Variants in DYRK4 observed in about 807,000 individuals in gnomAD.
DYRK4 encodes the protein dual specificity tyrosine phosphorylation regulated kinase 4.
Under a neutral mutation model 68.3 loss-of-function variants are expected in DYRK4, and 64 were observed. That is an observed-to-expected ratio of 0.94 (90% CI 0.77 to 1.15). The LOEUF (loss-of-function observed/expected upper bound fraction) is 1.15. Among genes scored for constraint, DYRK4 ranks in the 50% most tolerant of loss-of-function variants. DYRK4 has a pLI of 0.00. For missense variants in DYRK4, 740 were observed against 764.7 expected (o/e 0.97, Z 0.38); for synonymous variants, 274 against 289.9 (o/e 0.95, Z 0.56).
intron 2 of DYRK4, among the ~76,000 whole-genome samples, chr12:4,584,094 C>G (rs1388386052): frequency 6.6e-6 from 1 of 152,038 alleles, no homozygotes; most frequent in Non-Finnish European, 1.5e-5. Flanking sequence ...ATCAATGACA[C>G]AAAGAAAAAC....
chr12:4,576,905 A>G (rs564910437), intron 2 of DYRK4, among the ~76,000 whole-genome samples: 1 of 152,238 alleles, frequency 6.6e-6, no homozygotes, highest in South Asian at 2.1e-4. Flanking sequence ...CTTAGACACA[A>G]TCCCTTCTCA....
At chr12:4,582,426 G>A (rs1181932406) in intron 2 of DYRK4, among the ~76,000 whole-genome samples, 1 of 152,196 alleles carries the variant, frequency 6.6e-6, no homozygotes, top group South Asian at 2.1e-4. Context: ...CAATAAGAGC[G>A]AAACTCCATC....
At chr12:4,592,202 A>G (rs1476701704) in intron 5 of DYRK4, among the ~76,000 whole-genome samples, 1 of 152,192 alleles carries the variant, frequency 6.6e-6, no homozygotes, top group Non-Finnish European at 1.5e-5. Flanking sequence ...CCCCCCTGCT[A>G]TCTTATGCCT....
At position 4,599,531 on chromosome 12, in the gene DYRK4, A is replaced by G; in HGVS notation, c.1045-176A>G. 3 of 589,318 alleles carry G rather than the reference A, an allele frequency of 5.1e-6. No individual in the cohort carries two copies. The South Asian group carries it at 6.4e-5, about 13-fold the overall frequency. 36.5% of individuals were successfully genotyped at this position (589,318 alleles called of 1,614,324 possible). The stretch of plus-strand genomic sequence containing the variant: ...GAGGTCTGAATGAGAAACGCCGACC[A>G]CAAGTCAAATGGAAAGTCAGAGCGG... On this transcript the variant is annotated intron_variant, in intron 9 of 14. Transcript: ENST00000543431.
intron 13 of DYRK4, among the ~76,000 whole-genome samples, chr12:4,610,815 A>G (rs1445471572): frequency 7.9e-5 from 12 of 152,256 alleles, no homozygotes. Flanking sequence ...ACAACTTTTT[A>G]TAATCTATAT....
In DYRK4 at chr12:4,605,047, CG is replaced by C; in HGVS notation, c.1264del (p.Glu422ArgfsTer41). 1 of 1,613,974 alleles carries C rather than the reference CG, an allele frequency of 6.2e-7. No homozygotes were observed. The highest frequency in any genetic ancestry group is 8.5e-7 in the Non-Finnish European group (1 of 1,179,926). On this transcript the variant is annotated frameshift_variant, in exon 11 of 15. Coordinates refer to ENST00000543431, the MANE Select transcript of DYRK4 (RefSeq NM_001394779.1). LOFTEE classifies it high-confidence loss of function. Reference protein sequence around the residue: ...ELYTGYPLFPGENEVEQLACI... With the variant: ...ELYTGYPLFPXENEVEQLACI... ...TGTACACGGGCTACCCCCTGTTCCC[CG>C]GGGAGAATGAGGTGGAGCAGCTGGC...
At chr12:4,590,209 TCCAGA>T in intron 3 of DYRK4, 116 bp from the exon 4 acceptor site, 2 of 1,424,870 alleles carry the variant, frequency 1.4e-6, no homozygotes, top group Non-Finnish European at 1.8e-6. Flanking sequence ...TAGGTTTAGG[TCCAGA>T]TTGGGGTTAG....
At chr12:4,574,806 C>G (rs1036639924) in intron 2 of DYRK4, among the ~76,000 whole-genome samples, 32 of 152,320 alleles carry the variant, frequency 2.1e-4, no homozygotes, top group African/African-American at 7.7e-4. Flanking sequence ...CAGCCTCCGC[C>G]TCCCCAGTTC....
intron 2 of DYRK4, among the ~76,000 whole-genome samples, chr12:4,582,468 G>GAAATA (rs1944853279): frequency 1.3e-5 from 2 of 152,002 alleles, no homozygotes; most frequent in South Asian, 2.1e-4. Context: ...GAGATGAAAT[G>GAAATA]AAATAAAATA....
intron 10 of DYRK4, 136 bp downstream of exon 10, chr12:4,599,924 T>C (rs1004629335): frequency 1.5e-6 from 1 of 685,632 alleles, no homozygotes; most frequent in African/African-American, 1.8e-5. Flanking sequence ...GTGCTTCGCT[T>C]CTCTGAGCCC....
chr12:4,580,497 C>T (rs1565534478), intron 2 of DYRK4, among the ~76,000 whole-genome samples: 1 of 152,184 alleles, frequency 6.6e-6, no homozygotes, highest in Non-Finnish European at 1.5e-5. Context: ...TCTGTAGCAG[C>T]CAGGGTAGCT....
At chr12:4,590,021 G>C (rs1944935462) in intron 3 of DYRK4, 1 of 482,116 alleles carries the variant, frequency 2.1e-6, no homozygotes, top group African/African-American at 2.1e-5. Flanking sequence ...TTATGAGGTA[G>C]GCCCCATTTT....
At chr12:4,587,306 A>C (rs1944907521) in intron 2 of DYRK4, among the ~76,000 whole-genome samples, 1 of 152,130 alleles carries the variant, frequency 6.6e-6, no homozygotes, top group Non-Finnish European at 1.5e-5. Flanking sequence ...TCTCGGTTAA[A>C]GCCCAGACCA....
intron 10 of DYRK4, chr12:4,602,935 T>G: frequency 1.2e-6 from 1 of 843,366 alleles, no homozygotes; most frequent in Admixed American, 2.2e-5. Context: ...GTGGAGGAAC[T>G]TCCAGATCAA....
At chr12:4,601,583 AC>A (rs1046346854) in intron 10 of DYRK4, among the ~76,000 whole-genome samples, 2 of 152,210 alleles carry the variant, frequency 1.3e-5, no homozygotes, top group African/African-American at 4.8e-5. Flanking sequence ...GAATAATGAA[AC>A]TTTTGACATG....
At chr12:4,563,510 A>C (rs997100972) in intron 1 of DYRK4, among the ~76,000 whole-genome samples, 1 of 152,222 alleles carries the variant, frequency 6.6e-6, no homozygotes, top group Non-Finnish European at 1.5e-5. Flanking sequence ...TGGAGGCTGC[A>C]TTCATAGAAA....
At chr12:4,612,408 ATC>A (rs1945232720) in intron 13 of DYRK4, 133 bp from the exon 14 acceptor site, 4 of 936,124 alleles carry the variant, frequency 4.3e-6, no homozygotes, top group Non-Finnish European at 6.1e-6. Context: ...ATATGCCATA[ATC>A]TCTGTTCTAT....
In DYRK4 at chr12:4,605,032, C is replaced by G. The variant is rs1237839200; in HGVS notation, c.1245C>G (p.Gly415=). ...LGCITAELYT[G]YPLFPGENEV... ...GCATCACGGCGGAGTTGTACACGGG[C>G]TACCCCCTGTTCCCCGGGGAGAATG... The change falls in exon 11 of 15, where the codon GGC becomes GGG. Residue 415 remains glycine, a synonymous_variant. Transcript: ENST00000543431. 6.2e-7 allele frequency: 1 copy of G among 1,614,098 alleles called. No homozygotes were observed. The highest frequency in any genetic ancestry group is 8.5e-7 in the Non-Finnish European group (1 of 1,179,964).
intron 11 of DYRK4, among the ~76,000 whole-genome samples, 164 bp downstream of exon 11, chr12:4,605,250 C>T (rs1040569730): frequency 1.3e-5 from 2 of 152,186 alleles, no homozygotes; most frequent in Admixed American, 6.5e-5. Context: ...CTCCCTTGTA[C>T]TTGTCAAGTC....
Sources: allele counts gnomAD v4.1 joint callset (sites outside exome capture counted in the v4.1 genomes callset), GRCh38; gene constraint gnomAD v4.1.1; transcripts MANE v1.5; gene names NCBI Gene and HGNC (gene_info 2026-07-23, HGNC 2026-07-21).